The following ACACA variants were observed in gnomAD, a reference collection of about 807,000 sequenced individuals.
The protein encoded by ACACA is acetyl-CoA carboxylase 1.
ACACA carries 103 observed loss-of-function variants against 296.1 expected under a neutral mutation model. The ratio of observed to expected loss-of-function variants is 0.35; its 90% CI spans 0.30 to 0.41. ACACA has a LOEUF of 0.41. Among genes scored for constraint, ACACA ranks in the 10% least tolerant of loss-of-function variants. The probability of loss-of-function intolerance (pLI) is 1.00; values close to 1 mark genes in which losing one functional copy is unlikely to be tolerated. For synonymous variants in ACACA, 953 were observed against 1,038.6 expected (o/e 0.92, Z 1.58); for missense variants, 1,554 against 2,989.7 (o/e 0.52, Z 11.20).
intron 19 of ACACA, among the ~76,000 whole-genome samples, chr17:37,245,590 T>C (rs2080654194): frequency 6.6e-6 from 1 of 152,176 alleles, no homozygotes; most frequent in Non-Finnish European, 1.5e-5. Flanking sequence ...TCTTTCTCCC[T>C]TACCTACCAA....
intron 3 of ACACA, among the ~76,000 whole-genome samples, chr17:37,294,163 G>A (rs1351349800): frequency 6.7e-6 from 1 of 149,986 alleles, no homozygotes; most frequent in Admixed American, 6.7e-5. Context: ...CATTTTGTAT[G>A]GGCTAAGTTA....
intron 2 of ACACA, 141 bp downstream of exon 2, chr17:37,339,663 C>A: frequency 1.6e-6 from 1 of 618,754 alleles, no homozygotes; most frequent in Non-Finnish European, 2.9e-6. Context: ...ACTCTTTGTT[C>A]ACTTCAGGTT....
chr17:37,251,777 C>T (rs2081006979), intron 16 of ACACA, among the ~76,000 whole-genome samples: 1 of 152,170 alleles, frequency 6.6e-6, no homozygotes, highest in African/African-American at 2.4e-5. Flanking sequence ...AAGAAGCAAC[C>T]TGTTCTAACT....
Position 37,085,353 on chromosome 17 carries a change from T to C in ACACA, c.*1963A>G. On this transcript the variant is annotated 3_prime_UTR_variant, in exon 56 of 56. Transcript: ENST00000616317. ...AGAGGAAACATACTCGTTTGTGTCA[T>C]AATTTGGTGGGGAGAGGGGAGGTAA... The C allele has an allele frequency of 2.8e-6, 1 of 360,572 alleles. No homozygotes were observed. Among genetic ancestry groups the C allele is most frequent in the South Asian group, 1.5e-4 (1 of 6,654 alleles). 22.3% of individuals were successfully genotyped at this position (360,572 alleles called of 1,614,324 possible). A position where few individuals can be genotyped will look rare whatever the true frequency, so the allele number is the denominator to read the frequency against.
chr17:37,392,945 C>A (rs2050942381), intron 1 of ACACA, among the ~76,000 whole-genome samples: 1 of 151,920 alleles, frequency 6.6e-6, no homozygotes, highest in African/African-American at 2.4e-5. Context: ...GAGTTTGAGA[C>A]CAGCCTGGCC....
chr17:37,354,929 T>TA (rs1194653942), intron 1 of ACACA, among the ~76,000 whole-genome samples: 1 of 151,810 alleles, frequency 6.6e-6, no homozygotes, highest in African/African-American at 2.4e-5. Flanking sequence ...AGAGAATCTC[T>TA]AAAAAAATAA....
intron 35 of ACACA, among the ~76,000 whole-genome samples, chr17:37,197,185 T>C (rs910914288): frequency 2.6e-5 from 4 of 152,224 alleles, no homozygotes; most frequent in Non-Finnish European, 5.9e-5. Context: ...CTACGAAGTA[T>C]TGTAAATGCT....
Position 37,276,968 on chromosome 17 carries a change from A to T in ACACA, c.802+65T>A, listed in dbSNP as rs568605069. The T allele has an allele frequency of 1.4e-3, 1,854 of 1,369,394 alleles. 3 individuals are homozygous for T. Among genetic ancestry groups the T allele is most frequent in the Non-Finnish European group, 1.8e-3 (1,725 of 956,440 alleles). 84.8% of individuals were successfully genotyped at this position (1,369,394 alleles called of 1,614,324 possible). A position where few individuals can be genotyped will look rare whatever the true frequency, so the allele number is the denominator to read the frequency against. On this transcript the variant is annotated intron_variant, in intron 7 of 55. Coordinates refer to ENST00000616317, the MANE Select transcript of ACACA (RefSeq NM_198834.3). The stretch of plus-strand genomic sequence containing the variant: ...TGTTAAACAGAAAATCAGACTATAG[A>T]GTAAAATGTGGGCAAAATTGACAGA...
rs537936105 is a variant in ACACA at position 37,248,988 on chromosome 17, C to T, written c.2082-314G>A. On this transcript the variant is annotated intron_variant, in intron 16 of 55. Coordinates refer to ENST00000616317, the MANE Select transcript of ACACA (RefSeq NM_198834.3). The stretch of plus-strand genomic sequence containing the variant: ...ACTTTTTCAACTGGCAAAAGTGAAA[C>T]TCTACACCCATTAACAACTCCCAAT... Among the ~76,000 whole-genome samples, 12 of 152,300 alleles carry T rather than the reference C, an allele frequency of 7.9e-5. 1 individual carries two copies. Among genetic ancestry groups the T allele is most frequent in the African/African-American group, 2.6e-4 (11 of 41,566 alleles).
At chr17:37,370,803 G>A (rs1177432794) in intron 1 of ACACA, among the ~76,000 whole-genome samples, 1 of 151,936 alleles carries the variant, frequency 6.6e-6, no homozygotes, top group East Asian at 1.9e-4. Flanking sequence ...GGCCAACATG[G>A]CGAAACCCCG....
At chr17:37,300,051 G>T (rs2083547217) in intron 3 of ACACA, among the ~76,000 whole-genome samples, 1 of 152,152 alleles carries the variant, frequency 6.6e-6, no homozygotes, top group Non-Finnish European at 1.5e-5. Context: ...CAAAGTAGTG[G>T]TATATATAGA....
chr17:37,279,864 TA>T (rs2082434594), intron 5 of ACACA, among the ~76,000 whole-genome samples: 1 of 152,090 alleles, frequency 6.6e-6, no homozygotes, highest in Non-Finnish European at 1.5e-5. Flanking sequence ...TAAATATATA[TA>T]TTTTTGGTAT....
chr17:37,331,203 C>T (rs1021398679), intron 2 of ACACA, among the ~76,000 whole-genome samples: 3 of 151,368 alleles, frequency 2.0e-5, no homozygotes, highest in Non-Finnish European at 2.9e-5. Context: ...CTGCAAGCTC[C>T]GCCTCCCGGG....
In ACACA at chr17:37,193,431, G is replaced by A. The variant is rs1430980674; in HGVS notation, c.4159-16C>T. 1.9e-6 allele frequency: 3 copies of A among 1,589,400 alleles called. No individual in the cohort carries two copies. Among genetic ancestry groups the A allele is most frequent in the Non-Finnish European group, 2.6e-6 (3 of 1,157,982 alleles). Reference sequence around the variant, plus strand: ...GGAATTCTCTCTGTATTAAAGAAGGGGGAAAAATGTGTCAGTAGTTCATAG... The same window carrying A: ...GGAATTCTCTCTGTATTAAAGAAGGAGGAAAAATGTGTCAGTAGTTCATAG... On this transcript the variant is annotated splice_polypyrimidine_tract_variant and intron_variant, in intron 35 of 55. Transcript: ENST00000616317.
chr17:37,115,439 G>C (rs1180493189), intron 50 of ACACA, among the ~76,000 whole-genome samples: 1 of 151,964 alleles, frequency 6.6e-6, no homozygotes. Flanking sequence ...GAGAGGAAAT[G>C]AAAGGTATAG....
At chr17:37,128,256 G>A (rs1266105401) in intron 47 of ACACA, among the ~76,000 whole-genome samples, 1 of 152,072 alleles carries the variant, frequency 6.6e-6, no homozygotes. Flanking sequence ...TAATAGCTAT[G>A]TGACCTTGTA....
At chr17:37,221,060 A>G (rs1251233587) in intron 29 of ACACA, among the ~76,000 whole-genome samples, 2 of 152,244 alleles carry the variant, frequency 1.3e-5, no homozygotes, top group African/African-American at 2.4e-5. Context: ...ATACTTTTTA[A>G]AAGATAGTCT....
chr17:37,219,399 T>G (rs2079178323), intron 29 of ACACA, among the ~76,000 whole-genome samples: 1 of 152,130 alleles, frequency 6.6e-6, no homozygotes. Context: ...TGAGTTGTTC[T>G]GAGGGAATTA....
At chr17:37,404,483 G>C (rs2051396801) in intron 1 of ACACA, among the ~76,000 whole-genome samples, 1 of 151,682 alleles carries the variant, frequency 6.6e-6, no homozygotes, top group Non-Finnish European at 1.5e-5. Flanking sequence ...CTCTCGAGTA[G>C]CTGGGATTAC....
Sources: allele counts gnomAD v4.1 joint callset (sites outside exome capture counted in the v4.1 genomes callset), GRCh38; gene constraint gnomAD v4.1.1; transcripts MANE v1.5; gene names NCBI Gene and HGNC (gene_info 2026-07-23, HGNC 2026-07-21).